The following NPAS3 variants were observed in gnomAD, a reference collection of about 807,000 sequenced individuals.
NPAS3 encodes the protein neuronal PAS domain-containing protein 3.
Under a neutral mutation model 73.1 loss-of-function variants are expected in NPAS3, and 14 were observed. The ratio of observed to expected loss-of-function variants is 0.19; its 90% CI spans 0.13 to 0.30. NPAS3 has a LOEUF of 0.30. Among genes scored for constraint, NPAS3 ranks in the 10% least tolerant of loss-of-function variants. NPAS3 has a pLI of 1.00. For missense variants in NPAS3, 1,096 were observed against 1,250.0 expected, an observed-to-expected ratio of 0.88 and a Z score of 1.86; for synonymous variants, 620 against 541.5, an observed-to-expected ratio of 1.14 and a Z score of -2.01.
intron 2 of NPAS3, among the ~76,000 whole-genome samples, chr14:33,094,210 C>T (rs982970407): frequency 6.6e-6 from 1 of 151,962 alleles, no homozygotes; most frequent in Non-Finnish European, 1.5e-5. Context: ...TTCATCTATT[C>T]AGATAATTTA....
chr14:33,756,774 A>G (rs1292996811), intron 7 of NPAS3, among the ~76,000 whole-genome samples: 1 of 152,252 alleles, frequency 6.6e-6, no homozygotes, highest in Non-Finnish European at 1.5e-5. Flanking sequence ...ACACAGAGAA[A>G]TAAAGGATGC....
intron 4 of NPAS3, among the ~76,000 whole-genome samples, chr14:33,478,200 T>A (rs1290946022): frequency 6.6e-6 from 1 of 152,186 alleles, no homozygotes; most frequent in Admixed American, 6.5e-5. Flanking sequence ...TGTATATTCA[T>A]GGATTTTGCA....
At position 32,991,420 on chromosome 14, in the gene NPAS3, G is replaced by C. The variant is rs144778428; in HGVS notation, c.50+52054G>C. On this transcript the variant is annotated intron_variant, in intron 1 of 11. Transcript: ENST00000356141. ...GATGTCTTTAGCTTTCTGTCCATTG[G>C]CCATAGTTTGCCCAATAACACTAGT... is the stretch of plus-strand genomic sequence containing the variant. Among the ~76,000 whole-genome samples the C allele has an allele frequency of 2.4e-3, 364 of 152,194 alleles. 2 individuals are homozygous for C. Among genetic ancestry groups the C allele is most frequent in the African/African-American group, 8.5e-3 (353 of 41,530 alleles).
intron 4 of NPAS3, among the ~76,000 whole-genome samples, chr14:33,385,187 G>C (rs992756020): frequency 4.6e-5 from 7 of 152,142 alleles, no homozygotes; most frequent in Non-Finnish European, 8.8e-5. Flanking sequence ...TGGCTTATTT[G>C]AAAAGGAGCA....
chr14:33,658,691 G>C (rs111351252), intron 5 of NPAS3, among the ~76,000 whole-genome samples: 80 of 152,214 alleles, frequency 5.3e-4, no homozygotes, highest in African/African-American at 1.8e-3. Flanking sequence ...CAATGTCAGG[G>C]GGAGGATGGG....
intron 5 of NPAS3, among the ~76,000 whole-genome samples, chr14:33,587,433 A>G (rs181865502): frequency 1.4e-4 from 22 of 152,308 alleles, no homozygotes; most frequent in Admixed American, 4.6e-4. Flanking sequence ...ACATGTAATA[A>G]CTGGGTGTCT....
intron 5 of NPAS3, among the ~76,000 whole-genome samples, chr14:33,672,379 A>AT (rs536278391): frequency 2.8e-4 from 42 of 152,004 alleles, no homozygotes; most frequent in Non-Finnish European, 5.0e-4. Flanking sequence ...AGTAAAAGAA[A>AT]TTTTTTTTTC....
rs551120590 is a variant in NPAS3, at chr14:33,221,738, C to T, written c.385+6312C>T. ...TTAAGATTAATCAACCTCTTTCTAT[C>T]GCCACTATTACCTTATTTTCCTGTA... On this transcript the variant is annotated intron_variant, in intron 3 of 11. Coordinates refer to ENST00000356141, the Ensembl canonical transcript of NPAS3. Among the ~76,000 whole-genome samples, 12 of 152,204 alleles carry T rather than the reference C, an allele frequency of 7.9e-5. No individual in the cohort carries two copies. In the South Asian group the frequency reaches 1.2e-3, roughly 16 times the overall value.
At chr14:33,064,553 C>A (rs906254378) in intron 2 of NPAS3, among the ~76,000 whole-genome samples, 1 of 152,082 alleles carries the variant, frequency 6.6e-6, no homozygotes, top group Non-Finnish European at 1.5e-5. Context: ...TTTCACCAGG[C>A]CCAATGTCAT....
chr14:33,661,002 AAG>A (rs1219176070), intron 5 of NPAS3, among the ~76,000 whole-genome samples: 1 of 152,146 alleles, frequency 6.6e-6, no homozygotes, highest in Non-Finnish European at 1.5e-5. Flanking sequence ...GAGTAAAATA[AAG>A]AGAATAACAA....
At chr14:33,681,519 G>A (rs1168491946) in intron 6 of NPAS3, among the ~76,000 whole-genome samples, 1 of 152,196 alleles carries the variant, frequency 6.6e-6, no homozygotes, top group Non-Finnish European at 1.5e-5. Flanking sequence ...TGTCACTCCA[G>A]TTATTGATCT....
chr14:33,274,626 C>G (rs1367788428), intron 3 of NPAS3, among the ~76,000 whole-genome samples: 1 of 152,100 alleles, frequency 6.6e-6, no homozygotes, highest in Non-Finnish European at 1.5e-5. Flanking sequence ...TAAAGCATTA[C>G]CTAAGCTGAT....
At chr14:32,941,276 CCTCCCT>C (rs1256434226) in intron 1 of NPAS3, among the ~76,000 whole-genome samples, 4 of 6,650 alleles carry the variant, frequency 6.0e-4, no homozygotes, top group Non-Finnish European at 1.1e-3. Context: ...CCCCTCCCCT[CCTCCCT>C]CCCTCCCTCC....
chr14:33,073,184 T>A (rs1307902179), intron 2 of NPAS3, among the ~76,000 whole-genome samples: 1 of 152,204 alleles, frequency 6.6e-6, no homozygotes, highest in East Asian at 1.9e-4. Flanking sequence ...GAACAAACAC[T>A]CATTTATCAA....
At chr14:33,244,075 CTT>C (rs1178648045) in intron 3 of NPAS3, among the ~76,000 whole-genome samples, 1 of 151,390 alleles carries the variant, frequency 6.6e-6, no homozygotes, top group Admixed American at 6.6e-5. Context: ...TGTTGGGTGT[CTT>C]TTGCACTAGG....
intron 4 of NPAS3, among the ~76,000 whole-genome samples, chr14:33,424,035 C>T (rs990276193): frequency 5.9e-5 from 9 of 151,986 alleles, no homozygotes; most frequent in Non-Finnish European, 1.0e-4. Flanking sequence ...GGTGACAAAA[C>T]ACTCATTAAA....
intron 5 of NPAS3, among the ~76,000 whole-genome samples, chr14:33,650,242 A>C (rs1296434357): frequency 6.6e-6 from 1 of 152,212 alleles, no homozygotes; most frequent in African/African-American, 2.4e-5. Context: ...GTAGGTAAGG[A>C]ATATGCTACC....
chr14:33,334,318 A>G (rs749558394), intron 3 of NPAS3, among the ~76,000 whole-genome samples: 2 of 152,174 alleles, frequency 1.3e-5, no homozygotes, highest in African/African-American at 2.4e-5. Flanking sequence ...CATCACCACA[A>G]TCCAGCTTTT....
In NPAS3 at chr14:33,563,537, C is replaced by CACACACACACACACACAGAGAGAG; in HGVS notation, c.558+3328_558+3329insCACACACACACACACAGAGAGAGA. On this transcript the variant is annotated intron_variant, in intron 5 of 11. Coordinates refer to ENST00000356141, the Ensembl canonical transcript of NPAS3. ...ATACATACACACACACACACACACA[C>CACACACACACACACACAGAGAGAG]AGAGAGAGAGAGAGAGAGAGAGAGA... Among the ~76,000 whole-genome samples the CACACACACACACACACAGAGAGAG allele has an allele frequency of 2.1e-3, 252 of 119,660 alleles. 4 individuals are homozygous for CACACACACACACACACAGAGAGAG. The highest frequency in any genetic ancestry group is 8.5e-3 in the African/African-American group (228 of 26,742). The allele number at this position is 119,660 out of a possible 152,430, so 78.5% of individuals were successfully genotyped here.
Sources: allele counts gnomAD v4.1 joint callset (sites outside exome capture counted in the v4.1 genomes callset), GRCh38; gene constraint gnomAD v4.1.1; transcripts MANE v1.5; gene names NCBI Gene and HGNC (gene_info 2026-07-23, HGNC 2026-07-21).